The following ANO7 variants were observed in gnomAD, a reference collection of about 807,000 sequenced individuals.
ANO7 encodes anoctamin 7.
ANO7 carries 114 observed loss-of-function variants against 115.8 expected under a neutral mutation model. The observed-to-expected ratio is 0.98, with a 90% CI of 0.85 to 1.15. The LOEUF (loss-of-function observed/expected upper bound fraction) is 1.15. ANO7 is among the 50% of genes most tolerant of loss of function. The probability of loss-of-function intolerance (pLI) is 0.00; values close to 1 mark genes in which losing one functional copy is unlikely to be tolerated. For missense variants in ANO7, 1,302 were observed against 1,201.2 expected, an observed-to-expected ratio of 1.08 and a Z score of -1.24; for synonymous variants, 550 against 498.2, an observed-to-expected ratio of 1.10 and a Z score of -1.38.
In ANO7 at chr2:241,195,221, G is replaced by T. The variant is rs867735201; in HGVS notation, c.167-482G>T. On this transcript the variant is annotated intron_variant, in intron 3 of 24. Coordinates refer to ENST00000674324, the MANE Select transcript of ANO7 (RefSeq NM_001370694.2). ...GGAAATGCCCCAGGAGGAAGTGAAG[G>T]GAAGGGAAGGCTCACCTCGCACGCT... Among the ~76,000 whole-genome samples, 33 of 152,298 alleles carry T rather than the reference G, an allele frequency of 2.2e-4. 1 individual carries two copies. In the Middle Eastern group the frequency reaches 0.014, roughly 63 times the overall value.
intron 17 of ANO7, 83 bp downstream of exon 17, chr2:241,212,709 C>A: frequency 1.4e-6 from 2 of 1,435,756 alleles, no homozygotes; most frequent in African/African-American, 1.4e-5. Flanking sequence ...CTTTGATTTG[C>A]AGCAATTCCT....
At chr2:241,191,432 C>T (rs553074316) in intron 3 of ANO7, among the ~76,000 whole-genome samples, 181 bp downstream of exon 3, 1 of 152,204 alleles carries the variant, frequency 6.6e-6, no homozygotes, top group East Asian at 1.9e-4. Context: ...GTGGGAAGAA[C>T]AGCAGGAAAG....
downstream of ANO7, among the ~76,000 whole-genome samples, chr2:241,226,737 T>G (rs2149287330): frequency 6.6e-6 from 1 of 152,266 alleles, no homozygotes; most frequent in Middle Eastern, 3.4e-3. Context: ...ATGTTTGGCT[T>G]TAAGAGGAAC....
intron 18 of ANO7, among the ~76,000 whole-genome samples, chr2:241,215,445 C>T (rs1378240196): frequency 6.6e-6 from 1 of 152,222 alleles, no homozygotes; most frequent in African/African-American, 2.4e-5. Flanking sequence ...GCCCTCCCAG[C>T]GCCCCCTGAA....
chr2:241,212,829 A>G lies in ANO7; in HGVS notation c.1728+203A>G, dbSNP rs981675173. The G allele has an allele frequency of 1.2e-5, 7 of 575,694 alleles. No individual in the cohort carries two copies. The Admixed American group carries it at 1.5e-4, about 12-fold the overall frequency. 35.7% of individuals were successfully genotyped at this position (575,694 alleles called of 1,614,324 possible). Reference sequence around the variant, plus strand: ...TTCTGACCCCCGATATGCCCCATTCAGAACCACACCAAAACACTCCAGGCC... The same window carrying G: ...TTCTGACCCCCGATATGCCCCATTCGGAACCACACCAAAACACTCCAGGCC... On this transcript the variant is annotated intron_variant, in intron 17 of 24. Coordinates refer to ENST00000674324, the MANE Select transcript of ANO7 (RefSeq NM_001370694.2).
chr2:241,208,370 T>C (rs2068636909), intron 11 of ANO7, among the ~76,000 whole-genome samples: 1 of 152,212 alleles, frequency 6.6e-6, no homozygotes, highest in Non-Finnish European at 1.5e-5. Flanking sequence ...TGGTTTCTGG[T>C]GCTGCTGGCA....
intron 3 of ANO7, among the ~76,000 whole-genome samples, chr2:241,193,362 G>A (rs2068249581): frequency 6.6e-6 from 1 of 152,084 alleles, no homozygotes; most frequent in Admixed American, 6.6e-5. Context: ...GAGCCGCCAC[G>A]CCCAGCCTAA....
downstream of ANO7, chr2:241,229,974 G>A: frequency 5.0e-6 from 8 of 1,587,500 alleles, no homozygotes; most frequent in Non-Finnish European, 6.9e-6. Flanking sequence ...GCAGGCAGAA[G>A]ACAGGAAGAC....
intron 4 of ANO7, chr2:241,199,021 G>T (rs754321722): frequency 1.5e-4 from 62 of 411,380 alleles, no homozygotes; most frequent in Non-Finnish European, 2.7e-4. Context: ...GGCCAGCAGG[G>T]CAAGGCTCTC....
rs1177003276 is a variant in ANO7 at position 241,214,850 on chromosome 2, G to A, written c.1774G>A (p.Val592Ile). The change falls in exon 18 of 25, where the codon GTC becomes ATC. Residue 592 changes from valine (V) to isoleucine (I), a missense_variant. By Grantham distance (29) the Val-to-Ile change is conservative (BLOSUM62 3). Coordinates refer to ENST00000674324, the MANE Select transcript of ANO7 (RefSeq NM_001370694.2). ...CLIELAQELLVIMVGKQVINN... is the reference protein window; with the variant it reads ...CLIELAQELLIIMVGKQVINN... ...GATCGAGCTGGCACAGGAGCTCCTG[G>A]TCATCATGGTGGGCAAGCAGGTCAT... 3.1e-6 allele frequency: 5 copies of A among 1,612,782 alleles called. No homozygotes were observed. In the African/African-American group the frequency reaches 6.7e-5, roughly 22 times the overall value.
Position 241,207,750 on chromosome 2 carries a change from C to T in ANO7, c.1077+80C>T, listed in dbSNP as rs548293284. On this transcript the variant is annotated intron_variant, in intron 11 of 24. Coordinates refer to ENST00000674324, the MANE Select transcript of ANO7 (RefSeq NM_001370694.2). Reference sequence around the variant, plus strand: ...AGCTCCCCTTGTCCTGGTCCTGACTCTGCCTGCACCAGCCCCTGTCCTGCT... The same window carrying T: ...AGCTCCCCTTGTCCTGGTCCTGACTTTGCCTGCACCAGCCCCTGTCCTGCT... 3.1e-6 allele frequency: 4 copies of T among 1,283,488 alleles called. No individual in the cohort carries two copies. In the East Asian group the frequency reaches 9.2e-5, roughly 30 times the overall value. 79.5% of individuals were successfully genotyped at this position (1,283,488 alleles called of 1,614,324 possible). A position where few individuals can be genotyped will look rare whatever the true frequency, so the allele number is the denominator to read the frequency against.
chr2:241,223,804 G>A lies in ANO7; in HGVS notation c.2532+23G>A, dbSNP rs774899010. On this transcript the variant is annotated intron_variant, in intron 23 of 24. Coordinates refer to ENST00000674324, the MANE Select transcript of ANO7 (RefSeq NM_001370694.2). Reference sequence around the variant, plus strand: ...GAGGTGAACTGTACAGCCCAGTCTCGGCCCTCCCCCCAGCCCTCTCCCTAT... The same window carrying A: ...GAGGTGAACTGTACAGCCCAGTCTCAGCCCTCCCCCCAGCCCTCTCCCTAT... 26 of 1,614,026 alleles carry A rather than the reference G, an allele frequency of 1.6e-5. No individual in the cohort carries two copies. The South Asian group carries it at 2.1e-4, about 13-fold the overall frequency.
intron 4 of ANO7, among the ~76,000 whole-genome samples, chr2:241,197,393 C>A (rs1476839383): frequency 2.0e-5 from 3 of 152,112 alleles, no homozygotes; most frequent in African/African-American, 7.2e-5. Context: ...AGCCACCGCG[C>A]CAGGCCTAAC....
intron 17 of ANO7, among the ~76,000 whole-genome samples, chr2:241,214,271 G>A (rs1034431366): frequency 6.6e-6 from 1 of 152,194 alleles, no homozygotes; most frequent in Non-Finnish European, 1.5e-5. Flanking sequence ...AGGGCTACGC[G>A]GGCTTAGGTA....
At chr2:241,195,944 C>G (rs1466574660) in intron 4 of ANO7, 99 bp downstream of exon 4, 3 of 1,606,730 alleles carry the variant, frequency 1.9e-6, no homozygotes, top group South Asian at 2.2e-5. Flanking sequence ...GTCCAGAGTC[C>G]CAGAGCAGAT....
chr2:241,198,162 C>G (rs530811572), intron 4 of ANO7, among the ~76,000 whole-genome samples: 2 of 152,296 alleles, frequency 1.3e-5, no homozygotes, highest in Admixed American at 1.3e-4. Flanking sequence ...CCCTCACCCA[C>G]CTTCTCATTC....
chr2:241,215,988 T>C (rs1427610598), intron 18 of ANO7, 105 bp from the exon 19 acceptor site: 3 of 1,416,670 alleles, frequency 2.1e-6, no homozygotes, highest in African/African-American at 1.4e-5. Flanking sequence ...TGCCCTTCAA[T>C]TGCAAAGCAA....
intron 4 of ANO7, among the ~76,000 whole-genome samples, chr2:241,198,594 G>A (rs2068396333): frequency 1.3e-5 from 2 of 152,190 alleles, no homozygotes. Context: ...GCCAGCTGGG[G>A]GCCAGGGTCT....
At chr2:241,220,716 C>T (rs190712922) in intron 21 of ANO7, among the ~76,000 whole-genome samples, 14 of 152,322 alleles carry the variant, frequency 9.2e-5, no homozygotes, top group South Asian at 4.1e-4. Flanking sequence ...GGGAGAATGG[C>T]GTGAATCCAG....
Sources: gnomAD v4.1 joint callset for allele counts (sites outside exome capture counted in the v4.1 genomes callset) on GRCh38, gnomAD v4.1.1 for gene constraint, MANE v1.5 for transcripts, NCBI Gene and HGNC (gene_info 2026-07-23, HGNC 2026-07-21) for gene names.